ANKFN1: variants seen among roughly 807,000 people sequenced by gnomAD.
The protein encoded by ANKFN1 is ankyrin repeat and fibronectin type III domain containing 1.
A neutral mutation model predicts 108.7 loss-of-function variants in ANKFN1; 74 were observed. The observed-to-expected ratio is 0.68, with a 90% CI of 0.56 to 0.83. ANKFN1 has a LOEUF of 0.83. ANKFN1 is among the 40% of genes least tolerant of loss of function. The probability of loss-of-function intolerance (pLI) is 0.00; values close to 1 mark genes in which losing one functional copy is unlikely to be tolerated. For synonymous variants in ANKFN1, 547 were observed against 516.2 expected, an observed-to-expected ratio of 1.06 and a Z score of -0.81; for missense variants, 1,505 against 1,382.3, an observed-to-expected ratio of 1.09 and a Z score of -1.41.
chr17:56,375,764 C>T (rs2046930972), intron 8 of ANKFN1, among the ~76,000 whole-genome samples: 2 of 152,158 alleles, frequency 1.3e-5, no homozygotes, highest in African/African-American at 2.4e-5. Flanking sequence ...ATGACAACAG[C>T]TAATGCTTAC....
intron 6 of ANKFN1, among the ~76,000 whole-genome samples, chr17:56,359,655 T>A (rs1379745319): frequency 6.6e-6 from 1 of 152,164 alleles, no homozygotes; most frequent in East Asian, 1.9e-4. Context: ...CAGACACCAG[T>A]GTTACAATTT....
chr17:56,354,018 G>A lies in ANKFN1; in HGVS notation c.573G>A (p.Leu191=), dbSNP rs746424474. 5.6e-6 allele frequency: 9 copies of A among 1,613,778 alleles called. No individual in the cohort carries two copies. Among genetic ancestry groups the A allele is most frequent in the Non-Finnish European group, 7.6e-6 (9 of 1,179,950 alleles). The change falls in exon 6 of 21, where the codon CTG becomes CTA. Residue 191 remains leucine (L), a synonymous_variant. Coordinates refer to ENST00000682825, the MANE Select transcript of ANKFN1 (RefSeq NM_001370326.1). ...TNNVPIARIL[L]RTGARESPHF... ...ATGTGCCCATTGCAAGGATTCTTCT[G>A]AGGACAGGGGCCCGAGAAAGTCCAC...
chr17:56,338,716 A>G (rs891287341), intron 4 of ANKFN1, among the ~76,000 whole-genome samples: 3 of 151,984 alleles, frequency 2.0e-5, no homozygotes, highest in African/African-American at 4.8e-5. Context: ...TATGGATGCT[A>G]TAGAGATTAC....
At chr17:56,469,530 A>G (rs1174249858) in intron 15 of ANKFN1, among the ~76,000 whole-genome samples, 2 of 152,116 alleles carry the variant, frequency 1.3e-5, no homozygotes, top group Non-Finnish European at 2.9e-5. Flanking sequence ...TCTGTCTGCT[A>G]CATCACATCA....
chr17:56,066,659 A>G (rs559581891), intron 4 of ANKFN1, among the ~76,000 whole-genome samples: 1 of 152,262 alleles, frequency 6.6e-6, no homozygotes, highest in African/African-American at 2.4e-5. Context: ...TGTTAAGTAC[A>G]TTCACCGATT....
In ANKFN1 at chr17:56,053,774, G is replaced by A. The variant is rs533946332; in HGVS notation, c.288+7449G>A. Among the ~76,000 whole-genome samples the A allele has an allele frequency of 4.1e-4, 63 of 152,286 alleles. No individual in the cohort carries two copies. The South Asian group carries it at 0.013, about 31-fold the overall frequency. On this transcript the variant is annotated intron_variant, in intron 4 of 12. Coordinates refer to the ANKFN1 transcript ENST00000635860. The stretch of plus-strand genomic sequence containing the variant: ...GTACTCATTTACATTCCCAGCAACA[G>A]TGCATGTAGGTTCCCTTTTCTCCAC...
intron 1 of ANKFN1, among the ~76,000 whole-genome samples, chr17:56,189,179 T>TTTTTTTTTTTTTTTGTTTTG (rs1244013476): frequency 4.0e-4 from 44 of 111,370 alleles, no homozygotes; most frequent in African/African-American, 1.3e-3. Context: ...ACTTTTTTTT[T>TTTTTTTTTTTTTTTGTTTTG]TTTTTTTTTG....
At chr17:56,484,231 G>T (rs2050791803) in intron 18 of ANKFN1, among the ~76,000 whole-genome samples, 1 of 152,134 alleles carries the variant, frequency 6.6e-6, no homozygotes, top group Non-Finnish European at 1.5e-5. Context: ...GTACAGACAA[G>T]GTGGGGCCAT....
chr17:56,456,879 C>A lies in ANKFN1; in HGVS notation c.1226C>A (p.Thr409Asn), dbSNP rs1463855976. Reference protein sequence around the residue: ...YSCRESTKLQTTGRKQSVSRS... With the variant: ...YSCRESTKLQNTGRKQSVSRS... ...ATTCCAGAAAGCACAAAATTACAAA[C>A]CACAGGCCGCAAGCAGTCAGTCTCA... Residue 409 changes from threonine (T) to asparagine (N), a missense_variant, in exon 12 of 21, where the codon ACC (threonine) becomes AAC (asparagine). By Grantham distance (65) the Thr-to-Asn change is moderately conservative. Coordinates refer to ENST00000682825, the MANE Select transcript of ANKFN1 (RefSeq NM_001370326.1). 1 of 1,614,038 alleles carries A rather than the reference C, an allele frequency of 6.2e-7. No individual in the cohort carries two copies. The highest frequency in any genetic ancestry group is 1.1e-5 in the South Asian group (1 of 91,058).
At chr17:56,452,572 G>T (rs1181214829) in intron 11 of ANKFN1, among the ~76,000 whole-genome samples, 3 of 152,088 alleles carry the variant, frequency 2.0e-5, no homozygotes, top group Non-Finnish European at 2.9e-5. Context: ...ACTCTTGAAG[G>T]TCTCATATGG....
At chr17:56,340,697 T>C (rs1289505400) in intron 4 of ANKFN1, among the ~76,000 whole-genome samples, 4 of 152,148 alleles carry the variant, frequency 2.6e-5, no homozygotes, top group Non-Finnish European at 4.4e-5. Flanking sequence ...GCTGTTTTGT[T>C]TACTGTACCC....
Position 56,243,251 on chromosome 17 carries a change from C to T in ANKFN1, c.53+15294C>T, listed in dbSNP as rs1010551217. ...TCTTTCTCTTCCTCCCTCCATCTCA[C>T]TCTCCTTAGCCCTCCTTATCTAAAG... is the stretch of plus-strand genomic sequence containing the variant. On this transcript the variant is annotated intron_variant, in intron 3 of 20. Transcript: ENST00000682825. Among the ~76,000 whole-genome samples, 12 of 152,082 alleles carry T rather than the reference C, an allele frequency of 7.9e-5. No individual in the cohort carries two copies. The East Asian group carries it at 2.3e-3, about 29-fold the overall frequency.
intron 15 of ANKFN1, among the ~76,000 whole-genome samples, chr17:56,468,385 T>C (rs1360129022): frequency 3.9e-5 from 6 of 152,152 alleles, no homozygotes; most frequent in Non-Finnish European, 8.8e-5. Flanking sequence ...CACATTCTTT[T>C]GTGAACATGG....
chr17:56,276,312 A>G (rs562571815), intron 3 of ANKFN1, among the ~76,000 whole-genome samples: 223 of 152,318 alleles, frequency 1.5e-3, no homozygotes, highest in African/African-American at 4.8e-3. Context: ...TAGTGCTGCA[A>G]TAGACATACA....
intron 3 of ANKFN1, among the ~76,000 whole-genome samples, chr17:56,262,672 G>A (rs1317442750): frequency 2.6e-5 from 4 of 152,146 alleles, no homozygotes; most frequent in Non-Finnish European, 5.9e-5. Flanking sequence ...CAAATGCCTC[G>A]GGAGAACGAT....
intron 19 of ANKFN1, among the ~76,000 whole-genome samples, chr17:56,498,240 G>A (rs2051263459): frequency 6.6e-6 from 1 of 152,038 alleles, no homozygotes; most frequent in African/African-American, 2.4e-5. Context: ...TCTAATATAT[G>A]AAGTTAATTA....
intron 4 of ANKFN1, among the ~76,000 whole-genome samples, chr17:56,084,299 G>A (rs1249317696): frequency 2.0e-5 from 3 of 150,726 alleles, no homozygotes; most frequent in African/African-American, 4.9e-5. Context: ...ATGTTGTCAC[G>A]GCAACCAAGA....
At chr17:56,377,510 G>C (rs892684183) in intron 8 of ANKFN1, among the ~76,000 whole-genome samples, 1 of 151,978 alleles carries the variant, frequency 6.6e-6, no homozygotes, top group African/African-American at 2.4e-5. Flanking sequence ...TCTGTTTCTA[G>C]GTGTTTTCTC....
rs368093634 is a variant in ANKFN1, at chr17:56,482,337, C to T, written c.2092-19C>T. 4.0e-5 allele frequency: 62 copies of T among 1,552,134 alleles called. No individual in the cohort carries two copies. The highest frequency in any genetic ancestry group is 1.7e-4 in the Middle Eastern group (1 of 5,794). On this transcript the variant is annotated intron_variant, in intron 17 of 20. Coordinates refer to ENST00000682825, the MANE Select transcript of ANKFN1 (RefSeq NM_001370326.1). ...TGTTGTAACTCTCCTATTTTTCCTC[C>T]GCGCGTGTCCCTCTGCAGGCAAGGA...
Sources: gnomAD v4.1 joint callset for allele counts (sites outside exome capture counted in the v4.1 genomes callset) on GRCh38, gnomAD v4.1.1 for gene constraint, MANE v1.5 for transcripts, NCBI Gene and HGNC (gene_info 2026-07-23, HGNC 2026-07-21) for gene names.